PLPPR1: variants seen among roughly 807,000 people sequenced by gnomAD.
The protein encoded by PLPPR1 is phospholipid phosphatase-related protein type 1.
In PLPPR1, 10 loss-of-function variants were observed where a neutral mutation model predicts 33.1. That is an observed-to-expected ratio of 0.30 (90% CI 0.19 to 0.51). The LOEUF (loss-of-function observed/expected upper bound fraction) is 0.51. Among genes scored for constraint, PLPPR1 ranks in the 20% least tolerant of loss-of-function variants. PLPPR1 has a pLI of 0.97. For synonymous variants in PLPPR1, 151 were observed against 151.0 expected, an observed-to-expected ratio of 1.00 and a Z score of 0.00; for missense variants, 304 against 408.1, an observed-to-expected ratio of 0.74 and a Z score of 2.20.
intron 3 of PLPPR1, among the ~76,000 whole-genome samples, chr9:101,283,762 G>A (rs1828342625): frequency 6.6e-6 from 1 of 151,752 alleles, no homozygotes; most frequent in Non-Finnish European, 1.5e-5. Flanking sequence ...GTCTAATAAA[G>A]ATTATTAAAA....
intron 2 of PLPPR1, 98 bp downstream of exon 2, chr9:101,185,655 G>A: frequency 1.3e-5 from 9 of 714,164 alleles, no homozygotes; most frequent in South Asian, 4.4e-5. Flanking sequence ...TTTTATGATT[G>A]GTAAGTCAAT....
chr9:101,301,548 G>C (rs1828753053), intron 4 of PLPPR1, among the ~76,000 whole-genome samples: 1 of 152,148 alleles, frequency 6.6e-6, no homozygotes, highest in Non-Finnish European at 1.5e-5. Context: ...TCAACCATCT[G>C]ATCAAGACAA....
chr9:101,194,191 A>G (rs1383484518), intron 2 of PLPPR1, among the ~76,000 whole-genome samples: 1 of 152,214 alleles, frequency 6.6e-6, no homozygotes, highest in Non-Finnish European at 1.5e-5. Context: ...AGCATATTCT[A>G]TATAATAAAA....
At chr9:101,070,571 G>A (rs998129022) in intron 1 of PLPPR1, among the ~76,000 whole-genome samples, 1 of 152,038 alleles carries the variant, frequency 6.6e-6, no homozygotes, top group African/African-American at 2.4e-5. Context: ...ACTAAGGATT[G>A]AGCACTGGCT....
intron 1 of PLPPR1, among the ~76,000 whole-genome samples, chr9:101,160,233 G>C (rs922717019): frequency 2.6e-5 from 4 of 152,166 alleles, no homozygotes; most frequent in Admixed American, 2.0e-4. Context: ...CTTGGTTGGA[G>C]AATAATTTTT....
chr9:101,100,389 T>G (rs563972165), intron 1 of PLPPR1, among the ~76,000 whole-genome samples: 1 of 151,610 alleles, frequency 6.6e-6, no homozygotes, highest in East Asian at 1.9e-4. Flanking sequence ...AGAATTAGGT[T>G]TTACCTTCTA....
intron 1 of PLPPR1, among the ~76,000 whole-genome samples, chr9:101,117,180 A>C (rs1226136177): frequency 6.6e-6 from 1 of 152,166 alleles, no homozygotes; most frequent in African/African-American, 2.4e-5. Context: ...GCTGAGACCT[A>C]CTAGGCTGCA....
intron 2 of PLPPR1, among the ~76,000 whole-genome samples, chr9:101,209,393 A>G (rs1260821349): frequency 6.6e-6 from 1 of 152,214 alleles, no homozygotes; most frequent in Non-Finnish European, 1.5e-5. Flanking sequence ...GCTGTGTTAT[A>G]GACAGGACCA....
At chr9:101,270,486 A>G (rs1057390259) in intron 3 of PLPPR1, among the ~76,000 whole-genome samples, 1 of 152,192 alleles carries the variant, frequency 6.6e-6, no homozygotes, top group African/African-American at 2.4e-5. Context: ...TCAGGCCGAT[A>G]TTTCCTGCTG....
chr9:101,284,985 C>T (rs114073285), intron 3 of PLPPR1, among the ~76,000 whole-genome samples: 244 of 152,212 alleles, frequency 1.6e-3, no homozygotes, highest in African/African-American at 5.7e-3. Flanking sequence ...TTCCTGTGCC[C>T]CATGCACCAT....
intron 1 of PLPPR1, among the ~76,000 whole-genome samples, chr9:101,118,806 A>AT (rs1033518085): frequency 3.3e-5 from 5 of 150,256 alleles, no homozygotes; most frequent in African/African-American, 1.2e-4. Context: ...CTTATTTTTT[A>AT]TTTTTTTTCT....
At chr9:101,147,121 T>A (rs973984221) in intron 1 of PLPPR1, among the ~76,000 whole-genome samples, 1 of 152,158 alleles carries the variant, frequency 6.6e-6, no homozygotes, top group Non-Finnish European at 1.5e-5. Context: ...GAATTACCTA[T>A]TGGCTGGTTT....
chr9:101,120,702 C>T (rs894632268), intron 1 of PLPPR1, among the ~76,000 whole-genome samples: 1 of 151,920 alleles, frequency 6.6e-6, no homozygotes, highest in African/African-American at 2.4e-5. Flanking sequence ...GTGGGGTCAT[C>T]ACCAAAGAAA....
At chr9:101,078,056 C>G (rs1233278517) in intron 1 of PLPPR1, among the ~76,000 whole-genome samples, 1 of 137,712 alleles carries the variant, frequency 7.3e-6, no homozygotes. Flanking sequence ...ATGGCTTTAC[C>G]TGGAAGAAAA....
intron 1 of PLPPR1, among the ~76,000 whole-genome samples, chr9:101,150,662 G>C (rs1831570994): frequency 6.6e-6 from 1 of 152,132 alleles, no homozygotes; most frequent in Admixed American, 6.5e-5. Flanking sequence ...ATGATCTGGG[G>C]ATGGCTGCCT....
chr9:101,168,314 T>C (rs982952215), intron 1 of PLPPR1, among the ~76,000 whole-genome samples: 1 of 152,166 alleles, frequency 6.6e-6, no homozygotes, highest in African/African-American at 2.4e-5. Context: ...AGTGCTACTT[T>C]CCTTGGTGTC....
At chr9:101,267,849 T>C (rs1828024510) in intron 2 of PLPPR1, among the ~76,000 whole-genome samples, 1 of 152,174 alleles carries the variant, frequency 6.6e-6, no homozygotes. Flanking sequence ...CTTTGGTATC[T>C]CTGTTATAAT....
rs868424516 is a variant in PLPPR1 at position 101,285,545 on chromosome 9, T to A, written c.253-559T>A. On this transcript the variant is annotated intron_variant, in intron 3 of 7. Coordinates refer to ENST00000374874, the MANE Select transcript of PLPPR1 (RefSeq NM_207299.2). ...CTTAATGTTGTGGTGGATAGGTTCT[T>A]GGAAACTGCAAGTTTAAGCAAAACA... Among the ~76,000 whole-genome samples the A allele has an allele frequency of 2.0e-5, 3 of 152,230 alleles. No individual in the cohort carries two copies. The South Asian group carries it at 6.2e-4, about 31-fold the overall frequency.
intron 4 of PLPPR1, among the ~76,000 whole-genome samples, chr9:101,301,541 A>G (rs1467056336): frequency 6.6e-6 from 1 of 152,202 alleles, no homozygotes; most frequent in African/African-American, 2.4e-5. Context: ...TATGATTTCA[A>G]CCATCTGATC....
Sources: allele counts gnomAD v4.1 joint callset (sites outside exome capture counted in the v4.1 genomes callset), GRCh38; gene constraint gnomAD v4.1.1; transcripts MANE v1.5; gene names NCBI Gene and HGNC (gene_info 2026-07-23, HGNC 2026-07-21).